ARHGEF4: variants seen among roughly 807,000 people sequenced by gnomAD.
ARHGEF4 encodes the protein Rho guanine nucleotide exchange factor 4.
ARHGEF4 carries 119 observed loss-of-function variants against 162.0 expected under a neutral mutation model. The ratio of observed to expected loss-of-function variants is 0.73; its 90% CI spans 0.63 to 0.86. The LOEUF is 0.86. Ranked by LOEUF, ARHGEF4 falls within the 40% of genes least tolerant of loss-of-function variation. The pLI, the probability that ARHGEF4 is intolerant of heterozygous loss-of-function variation, is 0.00. For synonymous variants in ARHGEF4, 1,014 were observed against 979.9 expected, an observed-to-expected ratio of 1.03 and a Z score of -0.65; for missense variants, 2,488 against 2,456.0, an observed-to-expected ratio of 1.01 and a Z score of -0.28.
At chr2:131,026,843 C>T (rs867820092) in intron 4 of ARHGEF4, among the ~76,000 whole-genome samples, 3 of 152,164 alleles carry the variant, frequency 2.0e-5, no homozygotes, top group African/African-American at 7.2e-5. Flanking sequence ...GCCACACACA[C>T]CTAGGCGTCT....
At chr2:131,035,945 G>A (rs1690243448) in intron 5 of ARHGEF4, 1 of 817,646 alleles carries the variant, frequency 1.2e-6, no homozygotes, top group Non-Finnish European at 1.5e-6. Flanking sequence ...GGCACAGGAG[G>A]GGATCCCGCT....
chr2:131,027,915 C>A, intron 4 of ARHGEF4, 30 bp from the exon 5 acceptor site: 1 of 1,612,678 alleles, frequency 6.2e-7, no homozygotes, highest in South Asian at 1.1e-5. Context: ...AGCCCAGCCC[C>A]CTTTGCCCAG....
chr2:131,021,572 A>G (rs1357414201), intron 4 of ARHGEF4, among the ~76,000 whole-genome samples: 7 of 152,232 alleles, frequency 4.6e-5, no homozygotes, highest in Admixed American at 4.6e-4. Context: ...AGGCATGGGC[A>G]AGGACTTCAT....
At chr2:130,925,032 CTAAGTGTGTGTG>C (rs1261974368) in intron 2 of ARHGEF4, among the ~76,000 whole-genome samples, 1 of 100,732 alleles carries the variant, frequency 9.9e-6, no homozygotes, top group African/African-American at 3.8e-5. Flanking sequence ...CTTAGGAGTT[CTAAGTGTGTGTG>C]TGTGTGTGTG....
intron 2 of ARHGEF4, 143 bp downstream of exon 2, chr2:130,917,641 C>A (rs530329927): frequency 4.5e-6 from 5 of 1,099,204 alleles, no homozygotes; most frequent in African/African-American, 3.2e-5. Context: ...GCCGCCCCCC[C>A]TCCCCCAGTG....
rs556285008 is a variant in ARHGEF4, at chr2:130,949,508, C to T, written c.3985+2873C>T. On this transcript the variant is annotated intron_variant, in intron 4 of 13. Coordinates refer to ENST00000409359, the MANE Select transcript of ARHGEF4 (RefSeq NM_001367493.1). ...AGCTGGGACTACAGGGGCCCGCCAC[C>T]ACGCCTGGCTAATTTTTTCTATTTT... Among the ~76,000 whole-genome samples, 266 of 152,074 alleles carry T rather than the reference C, an allele frequency of 1.7e-3. 6 individuals carry two copies. Among genetic ancestry groups the T allele is most frequent in the Admixed American group, 0.017 (264 of 15,266 alleles).
chr2:130,915,842 C>A lies in ARHGEF4; in HGVS notation c.1896C>A (p.Ile632=). 3 of 1,537,688 alleles carry A rather than the reference C, an allele frequency of 2.0e-6. No individual in the cohort carries two copies. Among genetic ancestry groups the A allele is most frequent in the Non-Finnish European group, 2.6e-6 (3 of 1,140,578 alleles). ...CCTCGAGGGGCAGGGGCGCCCTCAT[C>A]ATTGTAGCTGTGGAGCAGAAAGGTC... ...GEASRGRGAL[I]IVAVEQKGLQ... is the part of the protein sequence containing the mutation. The change falls in exon 2 of 14, where the codon ATC becomes ATA. Residue 632 remains isoleucine, a synonymous_variant. Transcript: ENST00000409359.
intron 4 of ARHGEF4, among the ~76,000 whole-genome samples, chr2:130,964,749 C>T (rs2105201518): frequency 6.6e-6 from 1 of 152,322 alleles, no homozygotes; most frequent in Middle Eastern, 3.4e-3. Flanking sequence ...GACTGCAGCT[C>T]CCAGCGGAGG....
intron 1 of ARHGEF4, among the ~76,000 whole-genome samples, chr2:130,839,673 A>G (rs755579321): frequency 8.5e-5 from 13 of 152,194 alleles, no homozygotes; most frequent in Non-Finnish European, 1.9e-4. Context: ...TCAGAGGAGC[A>G]GCACACCCAA....
Position 131,026,379 on chromosome 2 carries a change from T to C in ARHGEF4, c.3986-1566T>C, listed in dbSNP as rs144136906. On this transcript the variant is annotated intron_variant, in intron 4 of 13. Transcript: ENST00000409359. ...AGGACTAGATTGACAGATTTGTCTA[T>C]ATTAAAATTAAGGACTTCCGTTCTT... Among the ~76,000 whole-genome samples, 357 of 152,328 alleles carry C rather than the reference T, an allele frequency of 2.3e-3. 2 individuals carry two copies. The highest frequency in any genetic ancestry group is 7.6e-3 in the African/African-American group (316 of 41,568).
At chr2:131,004,646 C>G (rs1688001891) in intron 4 of ARHGEF4, among the ~76,000 whole-genome samples, 1 of 151,954 alleles carries the variant, frequency 6.6e-6, no homozygotes, top group African/African-American at 2.4e-5. Context: ...GCCGTGAGCG[C>G]CTGCCATCCT....
intron 5 of ARHGEF4, among the ~76,000 whole-genome samples, chr2:131,028,544 A>G (rs1353818281): frequency 2.0e-5 from 3 of 152,260 alleles, no homozygotes; most frequent in Non-Finnish European, 2.9e-5. Context: ...TGCTATGACA[A>G]CTGCGTGCAA....
chr2:130,839,004 C>G (rs1375058501), intron 1 of ARHGEF4, among the ~76,000 whole-genome samples: 1 of 152,052 alleles, frequency 6.6e-6, no homozygotes, highest in Non-Finnish European at 1.5e-5. Flanking sequence ...TCCATACTTT[C>G]TGCCTCAGGT....
At chr2:131,028,744 T>G (rs76960202) in intron 5 of ARHGEF4, among the ~76,000 whole-genome samples, 9,247 of 152,178 alleles carry the variant, frequency 0.061, 951 homozygotes, top group African/African-American at 0.21. Flanking sequence ...CTGGAGGGTG[T>G]TGTTGAACGT....
intron 1 of ARHGEF4, among the ~76,000 whole-genome samples, chr2:130,847,280 C>T (rs760890478): frequency 2.0e-5 from 3 of 152,194 alleles, no homozygotes; most frequent in African/African-American, 7.2e-5. Context: ...TGACCAGGGG[C>T]GTCTCCTGCT....
chr2:130,935,841 T>C (rs77461052), intron 3 of ARHGEF4, among the ~76,000 whole-genome samples: 12,039 of 152,222 alleles, frequency 0.079, 556 homozygotes, highest in Non-Finnish European at 0.11. Context: ...CTAAGGCAGG[T>C]AGATCACTTG....
chr2:130,952,343 C>T (rs950251117), intron 4 of ARHGEF4, among the ~76,000 whole-genome samples: 2 of 152,060 alleles, frequency 1.3e-5, no homozygotes, highest in Admixed American at 6.5e-5. Context: ...TTTTAGCAGG[C>T]CTTTGACAGA....
At chr2:130,839,059 A>G (rs114915543) in intron 1 of ARHGEF4, among the ~76,000 whole-genome samples, 55 of 152,230 alleles carry the variant, frequency 3.6e-4, no homozygotes, top group African/African-American at 1.2e-3. Flanking sequence ...TGCACACCAC[A>G]GGAAGCATCA....
At chr2:130,874,415 C>G (rs1054920512) in intron 1 of ARHGEF4, among the ~76,000 whole-genome samples, 1 of 152,232 alleles carries the variant, frequency 6.6e-6, no homozygotes, top group Non-Finnish European at 1.5e-5. Flanking sequence ...AAGGTGTGTG[C>G]TCAGCACGCC....
Sources: allele counts gnomAD v4.1 joint callset (sites outside exome capture counted in the v4.1 genomes callset), GRCh38; gene constraint gnomAD v4.1.1; transcripts MANE v1.5; gene names NCBI Gene and HGNC (gene_info 2026-07-23, HGNC 2026-07-21).